Variants in PLEKHG1 observed in about 807,000 individuals in gnomAD.
PLEKHG1 encodes the protein pleckstrin homology and RhoGEF domain containing G1.
Under a neutral mutation model 100.8 loss-of-function variants are expected in PLEKHG1, and 44 were observed. That is an observed-to-expected ratio of 0.44 (90% CI 0.34 to 0.56). The LOEUF is 0.56. Among genes scored for constraint, PLEKHG1 ranks in the 20% least tolerant of loss-of-function variants. The pLI is 0.01. For missense variants in PLEKHG1, 1,545 were observed against 1,720.9 expected (o/e 0.90, Z 1.81); for synonymous variants, 640 against 662.5 (o/e 0.97, Z 0.52).
intron 12 of PLEKHG1, 53 bp downstream of exon 13, chr6:150,819,827 A>G: frequency 1.0e-6 from 1 of 996,400 alleles, no homozygotes; most frequent in Non-Finnish European, 1.6e-6. Context: ...CTGGCAATGA[A>G]AGTCCCTTTG....
intron 15 of PLEKHG1, among the ~76,000 whole-genome samples, chr6:150,836,928 A>T (rs142909408): frequency 0.013 from 1,994 of 152,208 alleles, 36 homozygotes; most frequent in African/African-American, 0.046. Flanking sequence ...TAGGGAGGCT[A>T]AGGCTGGTGG....
chr6:150,680,401 A>C (rs1779893754), intron 3 of PLEKHG1, among the ~76,000 whole-genome samples: 1 of 152,204 alleles, frequency 6.6e-6, no homozygotes. Flanking sequence ...CCAGTTTGGG[A>C]GGGAAGTTGT....
intron 1 of PLEKHG1, among the ~76,000 whole-genome samples, chr6:150,607,672 G>A (rs1168080826): frequency 2.6e-5 from 4 of 152,180 alleles, no homozygotes; most frequent in Non-Finnish European, 4.4e-5. Flanking sequence ...TAGAGGAGAT[G>A]CAGCCTTTAG....
intron 3 of PLEKHG1, among the ~76,000 whole-genome samples, chr6:150,689,705 A>T (rs138118416): frequency 5.8e-4 from 88 of 152,140 alleles, no homozygotes; most frequent in African/African-American, 2.0e-3. Context: ...AATGCAAAAG[A>T]TTAGCCGTGC....
At chr6:150,728,042 G>A (rs1230224646) in intron 1 of PLEKHG1, among the ~76,000 whole-genome samples, 5 of 152,162 alleles carry the variant, frequency 3.3e-5, no homozygotes, top group Admixed American at 3.3e-4. Context: ...CTGCTACACA[G>A]AGATGACCTC....
rs1163990344 is a variant in PLEKHG1 at position 150,600,582 on chromosome 6, C to A, written c.-204+565C>A. 6.6e-6 allele frequency among the ~76,000 whole-genome samples: 1 copy of A among 152,206 alleles called. No homozygotes were observed. The highest frequency in any genetic ancestry group is 2.4e-5 in the African/African-American group (1 of 41,462). ...GGCGCTCAGGGCTTGGGGGCGCCCCCGTTCTGCAGATGCGCTTTTCAGGGG... is the reference window on the plus strand; with the variant it reads ...GGCGCTCAGGGCTTGGGGGCGCCCCAGTTCTGCAGATGCGCTTTTCAGGGG... On this transcript the variant is annotated intron_variant, in intron 1 of 3. Coordinates refer to the PLEKHG1 transcript ENST00000367326. This position sits in a 1 kb window ranked among gnomAD's most constrained non-coding sequence, Gnocchi z 6.2.
chr6:150,731,208 G>T (rs1782234063), intron 1 of PLEKHG1, among the ~76,000 whole-genome samples: 1 of 152,174 alleles, frequency 6.6e-6, no homozygotes, highest in Non-Finnish European at 1.5e-5. Context: ...GTTGGATCAG[G>T]CTTTCTAGGT....
At chr6:150,799,154 A>G (rs1045080385) in intron 5 of PLEKHG1, among the ~76,000 whole-genome samples, 3 of 152,130 alleles carry the variant, frequency 2.0e-5, no homozygotes, top group African/African-American at 7.2e-5. Context: ...TTCTTGCCCA[A>G]TTGTGTGGTT....
intron 3 of PLEKHG1, among the ~76,000 whole-genome samples, chr6:150,774,269 A>G (rs1438030077): frequency 6.6e-6 from 1 of 152,172 alleles, no homozygotes; most frequent in African/African-American, 2.4e-5. Context: ...TGGCATTAGC[A>G]GGAATGTTTT....
intron 2 of PLEKHG1, among the ~76,000 whole-genome samples, chr6:150,741,681 A>T (rs772046945): frequency 6.6e-5 from 10 of 152,208 alleles, no homozygotes; most frequent in Non-Finnish European, 1.5e-4. Flanking sequence ...CAGGTCACAT[A>T]GTTGGCTAGT....
At chr6:150,736,731 T>G (rs549512960) in intron 2 of PLEKHG1, among the ~76,000 whole-genome samples, 1 of 152,076 alleles carries the variant, frequency 6.6e-6, no homozygotes, top group East Asian at 1.9e-4. Flanking sequence ...ATTGCACCGC[T>G]GCACTCCAGC....
exon 16 of PLEKHG1, chr6:150,840,071 G>A (rs143428521): frequency 1.1e-4 from 177 of 1,614,012 alleles, no homozygotes; most frequent in Non-Finnish European, 1.3e-4. Context: ...GATATCCCAC[G>A]TTTGAGATCA....
At chr6:150,647,253 T>C (rs1778541815) in intron 2 of PLEKHG1, among the ~76,000 whole-genome samples, 1 of 152,196 alleles carries the variant, frequency 6.6e-6, no homozygotes, top group South Asian at 2.1e-4. Flanking sequence ...TGGCCTTTTA[T>C]TTTGTCCTGC....
At chr6:150,805,713 G>GA (rs1449516304) in intron 7 of PLEKHG1, among the ~76,000 whole-genome samples, 1 of 152,050 alleles carries the variant, frequency 6.6e-6, no homozygotes, top group East Asian at 1.9e-4. Context: ...TTTTAGTAGA[G>GA]ACGGGGTTTC....
intron 3 of PLEKHG1, chr6:150,651,891 A>G (rs918784782): frequency 6.6e-6 from 1 of 152,166 alleles, no homozygotes; most frequent in Non-Finnish European, 1.5e-5. Context: ...ACTATTTTGT[A>G]TAGAATAATG....
chr6:150,685,870 C>A (rs988731733), intron 3 of PLEKHG1, among the ~76,000 whole-genome samples: 2 of 152,160 alleles, frequency 1.3e-5, no homozygotes, highest in African/African-American at 4.8e-5. Flanking sequence ...TGAAATCAGG[C>A]ATGGATCATT....
At chr6:150,652,265 A>C (rs1778777865) in intron 3 of PLEKHG1, among the ~76,000 whole-genome samples, 1 of 152,206 alleles carries the variant, frequency 6.6e-6, no homozygotes, top group African/African-American at 2.4e-5. Context: ...TAAGTACTTT[A>C]ACTCATCAGG....
At chr6:150,728,227 GATCAGCATT>G (rs145227341) in intron 1 of PLEKHG1, among the ~76,000 whole-genome samples, 4,252 of 151,804 alleles carry the variant, frequency 0.028, 73 homozygotes, top group South Asian at 0.053. Context: ...AAGACTTCTA[GATCAGCATT>G]GTCTGACTAA....
Position 150,796,642 on chromosome 6 carries a change from A to G in PLEKHG1, c.629+740A>G, listed in dbSNP as rs557716483. On this transcript the variant is annotated intron_variant, in intron 5 of 15. Coordinates refer to ENST00000358517, the Ensembl canonical transcript of PLEKHG1. The stretch of plus-strand genomic sequence containing the variant: ...ATACTGAATTTAACTTTTCAAAGCA[A>G]TCCAGAGACATTGAGGGATTTTTTT... Among the ~76,000 whole-genome samples the G allele has an allele frequency of 1.3e-4, 20 of 152,292 alleles. No homozygotes were observed. The South Asian group carries it at 4.1e-3, about 32-fold the overall frequency.
Sources: gnomAD v4.1 joint callset for allele counts (sites outside exome capture counted in the v4.1 genomes callset) on GRCh38, gnomAD v4.1.1 for gene constraint, Gnocchi (gnomAD v3.1) non-coding constraint, MANE v1.5 for transcripts, NCBI Gene and HGNC (gene_info 2026-07-23, HGNC 2026-07-21) for gene names.